CIITA: variants seen among roughly 807,000 people sequenced by gnomAD.
CIITA encodes MHC class II transactivator.
In CIITA, 72 loss-of-function variants were observed where a neutral mutation model predicts 115.1. The observed-to-expected ratio is 0.63, with a 90% confidence interval of 0.52 to 0.76. CIITA has a LOEUF of 0.76. CIITA is among the 30% of genes least tolerant of loss of function. The pLI is 0.00. For missense variants in CIITA, 1,617 were observed against 1,463.8 expected, an observed-to-expected ratio of 1.10 and a Z score of -1.71; for synonymous variants, 763 against 635.6, an observed-to-expected ratio of 1.20 and a Z score of -3.02.
intron 8 of CIITA, among the ~76,000 whole-genome samples, chr16:10,903,419 A>G (rs559089383): frequency 6.6e-6 from 1 of 152,306 alleles, no homozygotes; most frequent in African/African-American, 2.4e-5. Flanking sequence ...GAAGCAGAGA[A>G]GCAGTTCCTG....
At chr16:10,908,799 G>A in intron 11 of CIITA, 1 of 636,042 alleles carries the variant, frequency 1.6e-6, no homozygotes, top group Middle Eastern at 4.2e-4. Flanking sequence ...TAATTTAGCA[G>A]TGAGCTTCCT....
intron 16 of CIITA, among the ~76,000 whole-genome samples, chr16:10,919,431 A>G (rs1296710543): frequency 6.6e-6 from 1 of 152,190 alleles, no homozygotes; most frequent in African/African-American, 2.4e-5. Context: ...TCCTGATCTC[A>G]GGTGATCCAC....
chr16:10,872,883 ATTTGG>A (rs1432960940), upstream of CIITA, among the ~76,000 whole-genome samples: 1 of 152,256 alleles, frequency 6.6e-6, no homozygotes, highest in Non-Finnish European at 1.5e-5. Context: ...ATCTTCATCC[ATTTGG>A]AACTGGAGGC....
rs2038375379 is a variant in CIITA at position 10,898,577 on chromosome 16, C to T, written c.296-93C>T. The stretch of plus-strand genomic sequence containing the variant: ...ACATTTCTTGAGTCCCCACTGTGTG[C>T]CAGGCCCAGAGGTTCCCCAGCCCAA... On this transcript the variant is annotated intron_variant, in intron 3 of 19. Transcript: ENST00000324288. The T allele has an allele frequency of 7.8e-6, 8 of 1,028,840 alleles. 1 individual carries two copies. The highest frequency in any genetic ancestry group is 7.0e-5 in the South Asian group (5 of 71,248). 63.7% of individuals were successfully genotyped at this position (1,028,840 alleles called of 1,614,324 possible).
intron 13 of CIITA, among the ~76,000 whole-genome samples, chr16:10,911,524 T>G (rs1465215746): frequency 1.4e-5 from 2 of 147,534 alleles, no homozygotes; most frequent in Non-Finnish European, 3.0e-5. Flanking sequence ...CTTCCTTCTC[T>G]TCCTTCCTTC....
At chr16:10,881,346 T>A (rs2036414047) in intron 1 of CIITA, among the ~76,000 whole-genome samples, 1 of 151,874 alleles carries the variant, frequency 6.6e-6, no homozygotes. Flanking sequence ...CATAGGCAGA[T>A]GGGAGGTTTC....
Position 10,908,015 on chromosome 16 carries a change from G to A in CIITA, c.2523G>A (p.Thr841=), listed in dbSNP as rs780897648. The A allele has an allele frequency of 2.5e-6, 4 of 1,603,386 alleles. No homozygotes were observed. The highest frequency in any genetic ancestry group is 1.1e-5 in the South Asian group (1 of 90,330). The part of the protein sequence containing the change: ...GRLSFLGTRL[T]PPDAHVLGKA... ...TCTCTTTTCTGGGCACCCGCCTCACGCCTCCTGATGCACATGTACTGGGCA... is the reference window on the plus strand; with the variant it reads ...TCTCTTTTCTGGGCACCCGCCTCACACCTCCTGATGCACATGTACTGGGCA... The change falls in exon 11 of 20, where the codon ACG becomes ACA. Residue 841 remains threonine (T), a synonymous_variant. Transcript: ENST00000324288.
chr16:10,906,605 G>C lies in CIITA; in HGVS notation c.1113G>C (p.Glu371Asp), dbSNP rs1173959770. ...VEVDLVQARLERSSSKSLERE... is the reference protein window; with the variant it reads ...VEVDLVQARLDRSSSKSLERE... ...TGGATCTGGTGCAGGCCAGGCTGGAGAGGAGCAGCAGCAAGAGCCTGGAGC... is the reference window on the plus strand; with the variant it reads ...TGGATCTGGTGCAGGCCAGGCTGGACAGGAGCAGCAGCAAGAGCCTGGAGC... Residue 371 changes from glutamate (E) to aspartate (D), a missense_variant, in exon 11 of 20, where the codon GAG (glutamate) becomes GAC (aspartate). Physicochemically the swap from Glu to Asp is conservative, Grantham distance 45. Coordinates refer to ENST00000324288, the MANE Select transcript of CIITA (RefSeq NM_000246.4). 5.6e-6 allele frequency: 9 copies of C among 1,613,760 alleles called. No individual in the cohort carries two copies. The highest frequency in any genetic ancestry group is 1.3e-5 in the African/African-American group (1 of 74,922).
chr16:10,895,828 C>A lies in CIITA; in HGVS notation c.295+64C>A. The A allele has an allele frequency of 2.0e-6, 3 of 1,474,446 alleles. No homozygotes were observed. The South Asian group carries it at 3.4e-5, about 17-fold the overall frequency. The allele number at this position is 1,474,446 out of a possible 1,614,324, so 91.3% of individuals were successfully genotyped here. On this transcript the variant is annotated intron_variant, in intron 3 of 19. Coordinates refer to ENST00000324288, the MANE Select transcript of CIITA (RefSeq NM_000246.4). ...GCAAGAGTTCTTTGCTGCCACTTGT[C>A]AATATCACCCATTCATCATGAGCCA...
chr16:10,916,174 G>C (rs1192470016), intron 14 of CIITA, among the ~76,000 whole-genome samples, 193 bp from the exon 15 acceptor site: 1 of 152,188 alleles, frequency 6.6e-6, no homozygotes, highest in African/African-American at 2.4e-5. Context: ...TTGCCCTCTG[G>C]CTGCCTGGTT....
rs191941806 is a variant in CIITA, at chr16:10,909,201, C to T, written c.2816+14C>T. 2.8e-4 allele frequency: 449 copies of T among 1,613,722 alleles called. No individual in the cohort carries two copies. The African/African-American group carries it at 2.9e-3, about 10-fold the overall frequency. On this transcript the variant is annotated intron_variant, in intron 12 of 19. Coordinates refer to ENST00000324288, the MANE Select transcript of CIITA (RefSeq NM_000246.4). ...GCAGACTCAGAGGTGAGAGGAGAGG[C>T]GGATGGGAGGTGGTTCACGCCATGC...
intron 8 of CIITA, among the ~76,000 whole-genome samples, chr16:10,903,278 G>T (rs11641757): frequency 0.58 from 88,364 of 151,970 alleles, 26,532 homozygotes; most frequent in East Asian, 0.82. Context: ...ACCACACTGA[G>T]GGGTTGTGAC....
rs11862970 is a variant in CIITA, at chr16:10,931,313, A to G, written c.*7458A>G. On this transcript the variant is annotated 3_prime_UTR_variant, in exon 20 of 20. Coordinates refer to ENST00000324288, the MANE Select transcript of CIITA (RefSeq NM_000246.4). ...GTGACAGAGACCCTGTCTCAAAAAA[A>G]AGAGAAGATGGAATCACTCGGTGAG... 10,280 of 152,788 alleles carry G rather than the reference A, an allele frequency of 0.067. 612 individuals are homozygous for G. Among genetic ancestry groups the G allele is most frequent in the African/African-American group, 0.16 (6,591 of 41,492 alleles). 9.5% of individuals were successfully genotyped at this position (152,788 alleles called of 1,614,324 possible). A position where few individuals can be genotyped will look rare whatever the true frequency, so the allele number is the denominator to read the frequency against.
chr16:10,901,620 G>A lies in CIITA; in HGVS notation c.481+62G>A. 6.5e-7 allele frequency: 1 copy of A among 1,542,000 alleles called. No homozygotes were observed. The highest frequency in any genetic ancestry group is 8.9e-7 in the Non-Finnish European group (1 of 1,122,280). ...GATGCCTTGGGGAGGGGATGGAAGA[G>A]ATTGAACTCCTGGCCCAAGTCTGAT... On this transcript the variant is annotated intron_variant, in intron 6 of 19. Coordinates refer to ENST00000324288, the MANE Select transcript of CIITA (RefSeq NM_000246.4). The surrounding 1 kb of genome is among the most constrained non-coding windows in gnomAD (Gnocchi z 6.8).
At chr16:10,882,726 C>T (rs981746149) in intron 1 of CIITA, among the ~76,000 whole-genome samples, 1 of 151,982 alleles carries the variant, frequency 6.6e-6, no homozygotes, top group Admixed American at 6.6e-5. Flanking sequence ...GGTGAAACAC[C>T]GTCTCTCCTA....
intron 1 of CIITA, among the ~76,000 whole-genome samples, chr16:10,871,339 C>T (rs1468363951): frequency 6.6e-6 from 1 of 152,132 alleles, no homozygotes; most frequent in Non-Finnish European, 1.5e-5. Flanking sequence ...CTCAGCTGGC[C>T]TTGGGTTTGA....
Position 10,902,784 on chromosome 16 carries a change from G to A in CIITA, c.755G>A (p.Ser252Asn), listed in dbSNP as rs1286329401. The change falls in exon 8 of 20, where the codon AGT (serine) becomes AAT (asparagine). Residue 252 changes from serine (S) to asparagine (N), a missense_variant. Physicochemically the swap from Ser to Asn is conservative, Grantham distance 46. Transcript: ENST00000324288. ...QISEAGTGVSSIFIYHGEVPQ... is the reference protein window; with the variant it reads ...QISEAGTGVSNIFIYHGEVPQ... ...TCTGAGGCTGGAACAGGGGTCTCCA[G>A]TATATTCATCTACCATGGTGAGTGC... 3 of 1,614,170 alleles carry A rather than the reference G, an allele frequency of 1.9e-6. No individual in the cohort carries two copies. Among genetic ancestry groups the A allele is most frequent in the Non-Finnish European group, 2.5e-6 (3 of 1,180,038 alleles).
chr16:10,892,020 C>T (rs926762062), intron 1 of CIITA, among the ~76,000 whole-genome samples: 3 of 152,040 alleles, frequency 2.0e-5, no homozygotes, highest in Non-Finnish European at 4.4e-5. Flanking sequence ...GCTGTGGATG[C>T]GTGAAAGAAA....
intron 1 of CIITA, among the ~76,000 whole-genome samples, chr16:10,881,379 C>T (rs973450374): frequency 6.6e-6 from 1 of 152,084 alleles, no homozygotes; most frequent in Non-Finnish European, 1.5e-5. Flanking sequence ...CACACACAGT[C>T]AAAAGACAGT....
Sources: gnomAD v4.1 joint callset for allele counts (sites outside exome capture counted in the v4.1 genomes callset) on GRCh38, gnomAD v4.1.1 for gene constraint, Gnocchi (gnomAD v3.1) non-coding constraint, MANE v1.5 for transcripts, NCBI Gene and HGNC (gene_info 2026-07-23, HGNC 2026-07-21) for gene names.